The following TAFA2 variants were observed in gnomAD, a reference collection of about 807,000 sequenced individuals.
TAFA2 encodes the protein TAFA chemokine like family member 2, also known as chemokine-like protein TAFA-2.
In TAFA2, 7 loss-of-function variants were observed where a neutral mutation model predicts 18.8. That is an observed-to-expected ratio of 0.37 (90% CI 0.21 to 0.70). TAFA2 has a LOEUF of 0.70. Ranked by LOEUF, TAFA2 falls within the 30% of genes least tolerant of loss-of-function variation. The pLI, the probability that TAFA2 is intolerant of heterozygous loss-of-function variation, is 0.53. For missense variants in TAFA2, 122 were observed against 158.1 expected (o/e 0.77, Z 1.23); for synonymous variants, 60 against 54.2 (o/e 1.11, Z -0.47).
intron 1 of TAFA2, among the ~76,000 whole-genome samples, chr12:62,125,524 T>G (rs918029229): frequency 6.6e-6 from 1 of 152,170 alleles, no homozygotes; most frequent in Non-Finnish European, 1.5e-5. Flanking sequence ...CGGTTCAGTT[T>G]AGTTTAGTTC....
intron 4 of TAFA2, among the ~76,000 whole-genome samples, chr12:61,714,405 C>T (rs755149750): frequency 2.0e-5 from 3 of 152,132 alleles, no homozygotes; most frequent in Admixed American, 1.3e-4. Context: ...ACAAGCAGGA[C>T]GCTACCCTGG....
chr12:61,859,445 T>TTTTTG (rs1449101412), intron 2 of TAFA2, among the ~76,000 whole-genome samples: 8 of 152,198 alleles, frequency 5.3e-5, no homozygotes, highest in Admixed American at 2.0e-4. Flanking sequence ...TTTGTTTTTG[T>TTTTTG]TTTTGTTTTT....
chr12:61,808,097 C>T (rs1436087018), intron 2 of TAFA2, among the ~76,000 whole-genome samples: 1 of 151,664 alleles, frequency 6.6e-6, no homozygotes, highest in Non-Finnish European at 1.5e-5. Flanking sequence ...TATGGTTTGT[C>T]TGTGTTCCCA....
At chr12:61,911,325 A>G (rs549834734) in intron 1 of TAFA2, among the ~76,000 whole-genome samples, 1 of 152,104 alleles carries the variant, frequency 6.6e-6, no homozygotes, top group Non-Finnish European at 1.5e-5. Flanking sequence ...GCAAATAAGA[A>G]TTGGGATTGG....
intron 1 of TAFA2, among the ~76,000 whole-genome samples, chr12:61,995,328 C>T (rs79412980): frequency 3.1e-4 from 47 of 152,320 alleles, no homozygotes; most frequent in African/African-American, 9.9e-4. Context: ...CCCATCTCCA[C>T]ATGACTAGTT....
chr12:61,717,981 C>G (rs939105505), intron 4 of TAFA2, among the ~76,000 whole-genome samples: 1 of 152,194 alleles, frequency 6.6e-6, no homozygotes, highest in Non-Finnish European at 1.5e-5. Flanking sequence ...AACACTACTT[C>G]TAAATGGGAT....
chr12:61,979,041 T>C (rs188377102), intron 1 of TAFA2, among the ~76,000 whole-genome samples: 1 of 152,222 alleles, frequency 6.6e-6, no homozygotes, highest in East Asian at 1.9e-4. Flanking sequence ...CATTGCTTCT[T>C]CAGTGCTAAA....
intron 1 of TAFA2, among the ~76,000 whole-genome samples, chr12:62,228,496 C>T (rs944656099): frequency 1.3e-5 from 2 of 152,184 alleles, no homozygotes; most frequent in African/African-American, 4.8e-5. Flanking sequence ...AATTTGCTTT[C>T]CCACCAACAG....
chr12:61,778,579 C>A (rs971973239), intron 2 of TAFA2, among the ~76,000 whole-genome samples: 6 of 151,776 alleles, frequency 4.0e-5, no homozygotes, highest in Non-Finnish European at 8.8e-5. Flanking sequence ...GTAGGCTAGA[C>A]AAAGGAAAGA....
intron 1 of TAFA2, among the ~76,000 whole-genome samples, chr12:62,238,820 T>C (rs1171598855): frequency 2.0e-5 from 3 of 152,238 alleles, no homozygotes; most frequent in Admixed American, 6.5e-5. Context: ...GTATACAGTA[T>C]ATGGATACGT....
intron 1 of TAFA2, among the ~76,000 whole-genome samples, chr12:61,935,874 AC>A (rs755855052): frequency 1.1e-4 from 17 of 152,104 alleles, no homozygotes; most frequent in Non-Finnish European, 1.9e-4. Context: ...AACTTACCAA[AC>A]AAAAAGATCT....
intron 1 of TAFA2, among the ~76,000 whole-genome samples, chr12:62,257,394 C>T (rs1012069398): frequency 1.3e-5 from 2 of 152,078 alleles, no homozygotes; most frequent in Admixed American, 6.6e-5. Context: ...CTCTCTTTGA[C>T]ACTTTAGTTT....
intron 4 of TAFA2, among the ~76,000 whole-genome samples, chr12:61,751,217 G>A (rs76854078): frequency 0.01 from 1,535 of 152,108 alleles, 9 homozygotes; most frequent in Non-Finnish European, 0.017. Flanking sequence ...AGATGGCTGA[G>A]CAATAATAGC....
intron 2 of TAFA2, among the ~76,000 whole-genome samples, chr12:61,860,083 T>C (rs1004483979): frequency 3.3e-5 from 5 of 152,206 alleles, no homozygotes; most frequent in Non-Finnish European, 7.3e-5. Flanking sequence ...TCAATAAATG[T>C]ATGAATACAT....
chr12:62,234,934 T>C (rs554632043), intron 1 of TAFA2: 15 of 783,922 alleles, frequency 1.9e-5, no homozygotes, highest in Admixed American at 1.1e-4. Context: ...GGAGGGGGCA[T>C]AGCCTGGGCC....
intron 2 of TAFA2, among the ~76,000 whole-genome samples, chr12:61,838,986 C>A (rs1261252810): frequency 6.6e-6 from 1 of 151,908 alleles, no homozygotes; most frequent in Non-Finnish European, 1.5e-5. Flanking sequence ...AGAAACCCTG[C>A]CTTAGGGGGA....
In TAFA2 at chr12:62,206,702, T is replaced by A. The variant is rs547999894; in HGVS notation, c.-130+52061A>T. Among the ~76,000 whole-genome samples, 20 of 152,284 alleles carry A rather than the reference T, an allele frequency of 1.3e-4. No individual in the cohort carries two copies. The South Asian group carries it at 4.1e-3, about 32-fold the overall frequency. On this transcript the variant is annotated intron_variant, in intron 1 of 5. Coordinates refer to the TAFA2 transcript ENST00000551619. ...ACTGTTATCCAGGCTGGTCTCAAAC[T>A]TCTGGGCTCAAGTGGTCCTCCCACC...
intron 1 of TAFA2, among the ~76,000 whole-genome samples, chr12:62,246,987 A>G (rs774436061): frequency 6.6e-6 from 1 of 152,064 alleles, no homozygotes; most frequent in Non-Finnish European, 1.5e-5. Context: ...TAATCTATTT[A>G]CATTTAATGT....
intron 1 of TAFA2, among the ~76,000 whole-genome samples, chr12:61,961,917 A>T (rs905770054): frequency 6.6e-6 from 1 of 151,996 alleles, no homozygotes; most frequent in Non-Finnish European, 1.5e-5. Context: ...CACAAATAGG[A>T]TATAGCATTT....
Sources: gnomAD v4.1 joint callset for allele counts (sites outside exome capture counted in the v4.1 genomes callset) on GRCh38, gnomAD v4.1.1 for gene constraint, MANE v1.5 for transcripts, NCBI Gene and HGNC (gene_info 2026-07-23, HGNC 2026-07-21) for gene names.